Variants in SCP2 observed in about 807,000 individuals in gnomAD.
SCP2 encodes the protein SCP-2/3-oxoacyl-CoA thiolase.
Under a neutral mutation model 71.4 loss-of-function variants are expected in SCP2, and 48 were observed. The observed-to-expected ratio is 0.67, with a 90% CI of 0.53 to 0.86. SCP2 has a LOEUF of 0.86. Ranked by LOEUF, SCP2 falls within the 40% of genes least tolerant of loss-of-function variation. SCP2 has a pLI of 0.00. For missense variants in SCP2, 560 were observed against 655.6 expected (o/e 0.85, Z 1.59); for synonymous variants, 220 against 218.1 (o/e 1.01, Z -0.08).
intron 5 of SCP2, among the ~76,000 whole-genome samples, chr1:52,960,765 C>T (rs1183903901): frequency 1.3e-5 from 2 of 149,176 alleles, no homozygotes; most frequent in Admixed American, 6.7e-5. Flanking sequence ...TTTATTCATT[C>T]CCAAGACAGA....
chr1:52,938,066 T>A (rs1653892699), intron 1 of SCP2, among the ~76,000 whole-genome samples: 1 of 152,200 alleles, frequency 6.6e-6, no homozygotes, highest in South Asian at 2.1e-4. Flanking sequence ...CTGTGTCTTA[T>A]GTAAATGTGT....
chr1:53,002,662 A>G (rs947514476), intron 11 of SCP2, among the ~76,000 whole-genome samples: 1 of 152,218 alleles, frequency 6.6e-6, no homozygotes, highest in African/African-American at 2.4e-5. Context: ...TCCTGTGCGA[A>G]GTAATTATTT....
chr1:52,983,830 T>C (rs1658729416), intron 10 of SCP2, among the ~76,000 whole-genome samples: 1 of 152,230 alleles, frequency 6.6e-6, no homozygotes, highest in Non-Finnish European at 1.5e-5. Context: ...TTGAGAGTAT[T>C]GGTTACATTT....
intron 3 of SCP2, among the ~76,000 whole-genome samples, chr1:52,950,371 C>T (rs766671666): frequency 1.2e-4 from 18 of 152,204 alleles, no homozygotes; most frequent in South Asian, 2.1e-4. Flanking sequence ...CTGCCCGCCT[C>T]GGCCTCCCAA....
intron 1 of SCP2, among the ~76,000 whole-genome samples, chr1:52,935,587 CAAAAAAA>C (rs35419796): frequency 9.2e-6 from 1 of 108,726 alleles, no homozygotes; most frequent in Non-Finnish European, 1.8e-5. Context: ...GAGACTCAGT[CAAAAAAA>C]AAAAAAAAGA....
intron 12 of SCP2, among the ~76,000 whole-genome samples, chr1:53,018,007 A>G (rs1024942921): frequency 1.3e-5 from 2 of 152,082 alleles, no homozygotes; most frequent in Non-Finnish European, 2.9e-5. Flanking sequence ...GGTGCTCACT[A>G]CCACGCCCGG....
At chr1:52,943,109 C>A (rs994569837) in intron 2 of SCP2, among the ~76,000 whole-genome samples, 1 of 152,088 alleles carries the variant, frequency 6.6e-6, no homozygotes. Flanking sequence ...CACTTGCAAT[C>A]ATATGCTTAG....
chr1:53,015,030 C>A lies in SCP2; in HGVS notation c.1222C>A (p.Pro408Thr). The change falls in exon 12 of 16, where the codon CCG becomes ACG. Residue 408 changes from proline (P) to threonine (T), a missense_variant. This residue lies in a region of SCP2 where 513 missense variants were observed against 573.1 expected (regional missense o/e 0.90). Transcript: ENST00000371514. Reference protein sequence around the residue: ...VVVTLYKMGFPEAASSFRTHQ... With the variant: ...VVVTLYKMGFTEAASSFRTHQ... Reference sequence around the variant, plus strand: ...TGTAACACTCTACAAGATGGGTTTTCCGGAAGCCGCCAGGTGAGTGACATT... The same window carrying A: ...TGTAACACTCTACAAGATGGGTTTTACGGAAGCCGCCAGGTGAGTGACATT... The A allele has an allele frequency of 6.2e-7, 1 of 1,614,156 alleles. No homozygotes were observed. The highest frequency in any genetic ancestry group is 8.5e-7 in the Non-Finnish European group (1 of 1,179,994).
At chr1:53,018,151 G>A (rs751872862) in intron 12 of SCP2, among the ~76,000 whole-genome samples, 7 of 152,064 alleles carry the variant, frequency 4.6e-5, no homozygotes, top group Non-Finnish European at 1.0e-4. Flanking sequence ...CATTGCGCCT[G>A]GCCTGAATTT....
chr1:52,994,167 T>G, intron 11 of SCP2: 1 of 1,040,628 alleles, frequency 9.6e-7, no homozygotes. Context: ...CAGTGTTGAT[T>G]TTGTTGCTAA....
chr1:52,977,761 G>A (rs1263008903), intron 8 of SCP2, among the ~76,000 whole-genome samples: 2 of 152,132 alleles, frequency 1.3e-5, no homozygotes, highest in Admixed American at 1.3e-4. Flanking sequence ...GGGAGTTCGA[G>A]ACCAACCTGA....
chr1:53,050,937 G>A lies in SCP2; in HGVS notation c.*233G>A. The A allele has an allele frequency of 2.5e-5, 9 of 353,068 alleles. No homozygotes were observed. Among genetic ancestry groups the A allele is most frequent in the South Asian group, 4.5e-5 (1 of 22,056 alleles). The allele number at this position is 353,068 out of a possible 1,614,324, so 21.9% of individuals were successfully genotyped here. ...CAACTGTGCATTACAAAGTTAATAT[G>A]GTAATTATGGTCTGGGGTAAAATTG... On this transcript the variant is annotated 3_prime_UTR_variant, in exon 16 of 16. Transcript: ENST00000371514.
intron 10 of SCP2, among the ~76,000 whole-genome samples, chr1:52,984,169 T>C (rs1229030905): frequency 1.3e-5 from 2 of 152,212 alleles, no homozygotes; most frequent in Non-Finnish European, 2.9e-5. Context: ...TTCCTTTGGT[T>C]AGGAAGATGG....
intron 12 of SCP2, among the ~76,000 whole-genome samples, chr1:53,027,596 C>T (rs1455050926): frequency 6.6e-6 from 1 of 152,104 alleles, no homozygotes; most frequent in African/African-American, 2.4e-5. Flanking sequence ...CCTCCGCCTC[C>T]TAGGTTCAAG....
chr1:52,958,789 G>A (rs1656058789), intron 5 of SCP2, among the ~76,000 whole-genome samples: 1 of 151,978 alleles, frequency 6.6e-6, no homozygotes, highest in African/African-American at 2.4e-5. Flanking sequence ...TCCTGGGCTC[G>A]AGCAATCCTC....
chr1:52,981,439 AT>A (rs199738997), intron 10 of SCP2, among the ~76,000 whole-genome samples: 14,016 of 143,078 alleles, frequency 0.098, 1,151 homozygotes, highest in African/African-American at 0.23. Context: ...TTCATTAATA[AT>A]TTTTTTTTTT....
chr1:52,979,499 A>G (rs1338718855), intron 9 of SCP2, among the ~76,000 whole-genome samples: 3 of 152,086 alleles, frequency 2.0e-5, no homozygotes, highest in Non-Finnish European at 2.9e-5. Context: ...TCACCGTTTT[A>G]TTCCTTGAAG....
rs183063060 is a variant in SCP2 at position 53,024,550 on chromosome 1, G to A, written c.1236-3419G>A. ...CATATGCCCACATCCAGAAGGAAAT[G>A]CTACATTTCTTTCTTTCTTTTTTTT... On this transcript the variant is annotated intron_variant, in intron 12 of 15. Transcript: ENST00000371514. Among the ~76,000 whole-genome samples, 71 of 151,570 alleles carry A rather than the reference G, an allele frequency of 4.7e-4. No homozygotes were observed. In the East Asian group the frequency reaches 0.011, roughly 24 times the overall value.
At chr1:53,032,584 G>GAT (rs1435954246) in intron 13 of SCP2, among the ~76,000 whole-genome samples, 1 of 152,206 alleles carries the variant, frequency 6.6e-6, no homozygotes, top group Non-Finnish European at 1.5e-5. Flanking sequence ...CATGTTCATG[G>GAT]AATTCAGAGA....
Sources: allele counts gnomAD v4.1 joint callset (sites outside exome capture counted in the v4.1 genomes callset), GRCh38; gene constraint gnomAD v4.1.1; regional missense constraint gnomAD v4.1.1; transcripts MANE v1.5; gene names NCBI Gene and HGNC (gene_info 2026-07-23, HGNC 2026-07-21).